The following WWP2 variants were observed in gnomAD, a reference collection of about 807,000 sequenced individuals.
WWP2 encodes the protein NEDD4-like E3 ubiquitin-protein ligase WWP2.
A neutral mutation model predicts 121.0 loss-of-function variants in WWP2; 57 were observed. The observed-to-expected ratio is 0.47, with a 90% CI of 0.38 to 0.59. The LOEUF (loss-of-function observed/expected upper bound fraction) is 0.59, where lower values mean the gene tolerates loss of function less well. Ranked by LOEUF, WWP2 falls within the 20% of genes least tolerant of loss-of-function variation. The probability of loss-of-function intolerance (pLI) is 0.00; values close to 1 mark genes in which losing one functional copy is unlikely to be tolerated. For missense variants in WWP2, 962 were observed against 1,158.9 expected (o/e 0.83, Z 2.47); for synonymous variants, 449 against 441.3 (o/e 1.02, Z -0.22).
Position 69,799,329 on chromosome 16 carries a change from T to C in WWP2, c.340+34T>C. 6.2e-7 allele frequency: 1 copy of C among 1,604,118 alleles called. No individual in the cohort carries two copies. The highest frequency in any genetic ancestry group is 8.5e-7 in the Non-Finnish European group (1 of 1,174,664). On this transcript the variant is annotated intron_variant, in intron 4 of 23. Coordinates refer to ENST00000359154, the MANE Select transcript of WWP2 (RefSeq NM_001270454.2). This position sits in a 1 kb window ranked among gnomAD's most constrained non-coding sequence, Gnocchi z 4.5. ...GATGAAGGGGGTGCCGACGTGATTC[T>C]TGGGTGGGGATGGGAGGACCTGGCA...
chr16:69,877,744 G>A (rs1408629589), intron 7 of WWP2, among the ~76,000 whole-genome samples: 1 of 152,082 alleles, frequency 6.6e-6, no homozygotes, highest in African/African-American at 2.4e-5. Context: ...GAGAGAGAGA[G>A]AGAACAGCCA....
At chr16:69,805,754 G>A (rs1426858505) in intron 4 of WWP2, among the ~76,000 whole-genome samples, 1 of 151,212 alleles carries the variant, frequency 6.6e-6, no homozygotes, top group African/African-American at 2.4e-5. Context: ...GGGACTATAG[G>A]TGTGTTACTA....
chr16:69,832,426 C>T (rs2151860537), intron 4 of WWP2, among the ~76,000 whole-genome samples: 1 of 152,270 alleles, frequency 6.6e-6, no homozygotes, highest in South Asian at 2.1e-4. Flanking sequence ...AAACCCAACC[C>T]ATGATGCCAA....
chr16:69,896,839 T>C (rs1396692998), intron 8 of WWP2, among the ~76,000 whole-genome samples: 1 of 152,122 alleles, frequency 6.6e-6, no homozygotes, highest in African/African-American at 2.4e-5. Flanking sequence ...GTCTTCCCTC[T>C]GTGAGAGAGC....
At chr16:69,792,732 C>A (rs894226447) in intron 2 of WWP2, among the ~76,000 whole-genome samples, 13 of 152,174 alleles carry the variant, frequency 8.5e-5, no homozygotes, top group Admixed American at 4.6e-4. Context: ...CACTCTGTCA[C>A]CTAGGCTAGA....
chr16:69,816,628 G>T (rs1567682112), intron 4 of WWP2, among the ~76,000 whole-genome samples: 1 of 151,676 alleles, frequency 6.6e-6, no homozygotes, highest in Non-Finnish European at 1.5e-5. Context: ...TACTAAAAAG[G>T]ACAATATTCT....
At chr16:69,915,000 C>T (rs1048859472) in intron 9 of WWP2, among the ~76,000 whole-genome samples, 2 of 152,064 alleles carry the variant, frequency 1.3e-5, no homozygotes, top group Non-Finnish European at 2.9e-5. Context: ...ATGGAATCTC[C>T]CAGGAGGAGG....
chr16:69,853,780 A>C (rs1410097048), intron 6 of WWP2, among the ~76,000 whole-genome samples: 2 of 152,168 alleles, frequency 1.3e-5, no homozygotes, highest in Admixed American at 1.3e-4. Flanking sequence ...GACAAGGTGA[A>C]GGGTAAGGAG....
chr16:69,929,363 G>A, intron 11 of WWP2, 85 bp from the exon 12 acceptor site: 1 of 1,275,282 alleles, frequency 7.8e-7, no homozygotes. Flanking sequence ...CTCAGACCCA[G>A]CACCCAGGAG....
chr16:69,769,484 G>A (rs1475964455), intron 1 of WWP2, among the ~76,000 whole-genome samples: 2 of 152,104 alleles, frequency 1.3e-5, no homozygotes, highest in African/African-American at 2.4e-5. Flanking sequence ...TGATACTGGT[G>A]TGTAATTTCT....
chr16:69,910,445 G>C lies in WWP2; in HGVS notation c.1004+1595G>C, dbSNP rs1041626117. On this transcript the variant is annotated intron_variant, in intron 9 of 23. Coordinates refer to ENST00000359154, the MANE Select transcript of WWP2 (RefSeq NM_001270454.2). ...TTTTTTTTAGACGGAGTCTCGCTCT[G>C]TTGCCCAGGCTGGAGTGCAGTGGTG... is the stretch of plus-strand genomic sequence containing the variant. 5.8e-6 allele frequency: 5 copies of C among 862,318 alleles called. No individual in the cohort carries two copies. In the East Asian group the frequency reaches 4.9e-4, roughly 84 times the overall value. 53.4% of individuals were successfully genotyped at this position (862,318 alleles called of 1,614,324 possible).
Position 69,939,931 on chromosome 16 carries a change from A to G in WWP2, c.2604A>G (p.Gly868=). The G allele has an allele frequency of 6.2e-7, 1 of 1,613,520 alleles. No individual in the cohort carries two copies. The highest frequency in any genetic ancestry group is 8.5e-7 in the Non-Finnish European group (1 of 1,179,782). The part of the protein sequence containing the change: ...LYAIEETEGF[G]QE ...CCATTGAGGAGACCGAGGGCTTTGG[A>G]CAGGAGTAACCGAGGCCGCCCCTCC... The change falls in exon 24 of 24, where the codon GGA becomes GGG. Residue 868 remains glycine, a synonymous_variant. Coordinates refer to ENST00000359154, the MANE Select transcript of WWP2 (RefSeq NM_001270454.2).
intron 4 of WWP2, among the ~76,000 whole-genome samples, chr16:69,808,700 C>A (rs1175668101): frequency 6.6e-6 from 1 of 152,248 alleles, no homozygotes; most frequent in South Asian, 2.1e-4. Context: ...CTGCGCCCGG[C>A]CATGGCCTGT....
chr16:69,937,010 G>A lies in WWP2; in HGVS notation c.2118-108G>A. 1.4e-6 allele frequency: 2 copies of A among 1,442,502 alleles called. No homozygotes were observed. Among genetic ancestry groups the A allele is most frequent in the South Asian group, 1.4e-5 (1 of 72,232 alleles). The allele number at this position is 1,442,502 out of a possible 1,614,324, so 89.4% of individuals were successfully genotyped here. ...GGCTGGGTCTGGGTGTGCGAAGTGG[G>A]CTCTGCTGATCTGGTGGTCCTGCGC... On this transcript the variant is annotated intron_variant, in intron 19 of 23. Coordinates refer to ENST00000359154, the MANE Select transcript of WWP2 (RefSeq NM_001270454.2). This position sits in a 1 kb window ranked among gnomAD's most constrained non-coding sequence, Gnocchi z 6.6.
chr16:69,939,224 A>G (rs2270843), intron 22 of WWP2, 101 bp downstream of exon 22: 542,313 of 1,554,284 alleles, frequency 0.35, 101,770 homozygotes, highest in Non-Finnish European at 0.38. Flanking sequence ...AGTGGGATGG[A>G]GAAGAGCTGT....
chr16:69,909,945 A>C (rs902573234), intron 9 of WWP2: 6 of 158,222 alleles, frequency 3.8e-5, no homozygotes, highest in African/African-American at 1.4e-4. Flanking sequence ...CTGTTTTTGT[A>C]AATAAGGTTT....
intron 1 of WWP2, among the ~76,000 whole-genome samples, chr16:69,783,851 AG>A (rs2055720616): frequency 6.6e-6 from 1 of 151,978 alleles, no homozygotes; most frequent in Admixed American, 6.6e-5. Context: ...GCTACTCAGG[AG>A]GCCAAGGTGA....
At chr16:69,813,954 G>A (rs1232944652) in intron 4 of WWP2, among the ~76,000 whole-genome samples, 1 of 152,162 alleles carries the variant, frequency 6.6e-6, no homozygotes, top group Non-Finnish European at 1.5e-5. Context: ...CAAACAAGTG[G>A]CATTAAGATC....
intron 11 of WWP2, among the ~76,000 whole-genome samples, chr16:69,928,564 C>A (rs564795495): frequency 3.4e-4 from 52 of 152,106 alleles, no homozygotes; most frequent in Non-Finnish European, 7.1e-4. Context: ...TGTTCCCCAG[C>A]CCCACTCCAT....
Sources: allele counts gnomAD v4.1 joint callset (sites outside exome capture counted in the v4.1 genomes callset), GRCh38; gene constraint gnomAD v4.1.1; non-coding constraint Gnocchi (gnomAD v3.1); transcripts MANE v1.5; gene names NCBI Gene and HGNC (gene_info 2026-07-23, HGNC 2026-07-21).